The following HTR3E variants were observed in gnomAD, a reference collection of about 807,000 sequenced individuals.
HTR3E encodes 5-hydroxytryptamine (serotonin) receptor 3, family member E.
HTR3E carries 38 observed loss-of-function variants against 38.0 expected under a neutral mutation model. That is an observed-to-expected ratio of 1.00 (90% CI 0.77 to 1.31). The LOEUF is 1.31. Among genes scored for constraint, HTR3E ranks in the 50% most tolerant of loss-of-function variants. The pLI is 0.00. For missense variants in HTR3E, 547 were observed against 585.2 expected (o/e 0.93, Z 0.67); for synonymous variants, 210 against 232.9 (o/e 0.90, Z 0.89).
At chr3:184,097,945 G>A (rs1203166242) in intron 1 of HTR3E, among the ~76,000 whole-genome samples, 2 of 152,104 alleles carry the variant, frequency 1.3e-5, no homozygotes, top group African/African-American at 2.4e-5. Context: ...AACCATCCAC[G>A]ATCGTCTTCT....
At position 184,105,323 on chromosome 3, in the gene HTR3E, C is replaced by T. The variant is rs375789936; in HGVS notation, c.616C>T (p.Arg206Trp). 24 of 1,614,130 alleles carry T rather than the reference C, an allele frequency of 1.5e-5. No individual in the cohort carries two copies. The highest frequency in any genetic ancestry group is 1.1e-4 in the East Asian group (5 of 44,886). Reference protein sequence around the residue: ...KEVWEITDASRNILQTHGEWE... With the variant: ...KEVWEITDASWNILQTHGEWE... ...AGTGTGGGAAATAACAGACGCATCCCGGAACATCCTTCAGACCCATGGAGA... is the reference window on the plus strand; with the variant it reads ...AGTGTGGGAAATAACAGACGCATCCTGGAACATCCTTCAGACCCATGGAGA... The change falls in exon 6 of 9, where the codon CGG (arginine) becomes TGG (tryptophan). Residue 206 changes from arginine (R) to tryptophan (W), a missense_variant. Coordinates refer to ENST00000415389, the MANE Select transcript of HTR3E (RefSeq NM_001256613.2).
intron 2 of HTR3E, among the ~76,000 whole-genome samples, chr3:184,100,860 C>A (rs1014305341): frequency 6.6e-6 from 1 of 152,188 alleles, no homozygotes; most frequent in African/African-American, 2.4e-5. Context: ...TCTTCTCTCT[C>A]TGGCTGTATA....
Position 184,106,015 on chromosome 3 carries a change from C to T in HTR3E, c.925+46C>T. Reference sequence around the variant, plus strand: ...TGGAAGAGAAGGGTGGGAACTAACTCAGGAAGGGAGGTATTTTGGAAAAAG... The same window carrying T: ...TGGAAGAGAAGGGTGGGAACTAACTTAGGAAGGGAGGTATTTTGGAAAAAG... On this transcript the variant is annotated intron_variant, in intron 7 of 8. Transcript: ENST00000415389. The surrounding 1 kb of genome is among the most constrained non-coding windows in gnomAD (Gnocchi z 4.1). The T allele has an allele frequency of 6.2e-7, 1 of 1,611,724 alleles. No homozygotes were observed. Among genetic ancestry groups the T allele is most frequent in the Middle Eastern group, 1.7e-4 (1 of 6,060 alleles).
chr3:184,104,676 C>T (rs1712298176), intron 4 of HTR3E, 111 bp from the exon 5 acceptor site: 3 of 927,840 alleles, frequency 3.2e-6, no homozygotes, highest in South Asian at 1.8e-5. Context: ...GAGAGCATGC[C>T]ACTCTACTCC....
intron 1 of HTR3E, among the ~76,000 whole-genome samples, chr3:184,099,976 G>A (rs2108988832): frequency 1.3e-5 from 2 of 152,170 alleles, no homozygotes; most frequent in East Asian, 3.9e-4. Flanking sequence ...TTTGCATGGA[G>A]ACAGAAATAT....
intron 3 of HTR3E, among the ~76,000 whole-genome samples, chr3:184,103,739 G>A (rs1712217024): frequency 6.6e-6 from 1 of 151,502 alleles, no homozygotes; most frequent in Non-Finnish European, 1.5e-5. Flanking sequence ...GGAGGTTGCA[G>A]TGAGCCGAGA....
intron 3 of HTR3E, among the ~76,000 whole-genome samples, chr3:184,102,812 C>A (rs1011862899): frequency 2.6e-5 from 4 of 151,794 alleles, no homozygotes; most frequent in Non-Finnish European, 4.4e-5. Context: ...GTAGTCCCAG[C>A]TACTCGGGAG....
intron 3 of HTR3E, 60 bp downstream of exon 3, chr3:184,101,589 A>G: frequency 4.4e-6 from 6 of 1,352,322 alleles, no homozygotes; most frequent in Non-Finnish European, 6.4e-6. Flanking sequence ...TTAAACGAAG[A>G]TATAATAATT....
chr3:184,106,108 T>C lies in HTR3E; in HGVS notation c.926-20T>C, dbSNP rs1389859590. The C allele has an allele frequency of 6.2e-7, 1 of 1,613,624 alleles. No homozygotes were observed. Among genetic ancestry groups the C allele is most frequent in the Non-Finnish European group, 8.5e-7 (1 of 1,179,896 alleles). On this transcript the variant is annotated intron_variant, in intron 7 of 8. Transcript: ENST00000415389. The surrounding 1 kb of genome is among the most constrained non-coding windows in gnomAD (Gnocchi z 4.1). ...TCTAGGTGGTGCCTCTGGCCCTCACTAGGCCCCCCTTCCCTCCAGGTGTCT... is the reference window on the plus strand; with the variant it reads ...TCTAGGTGGTGCCTCTGGCCCTCACCAGGCCCCCCTTCCCTCCAGGTGTCT...
intron 4 of HTR3E, among the ~76,000 whole-genome samples, chr3:184,104,541 TAAAA>T (rs11320996): frequency 5.0e-5 from 6 of 119,242 alleles, no homozygotes; most frequent in African/African-American, 1.3e-4. Context: ...CCTCATCTCT[TAAAA>T]AAAAAAAAAA....
chr3:184,103,521 C>T (rs1044356560), intron 3 of HTR3E, among the ~76,000 whole-genome samples: 10 of 149,980 alleles, frequency 6.7e-5, no homozygotes, highest in African/African-American at 2.2e-4. Flanking sequence ...CCCAGCTACT[C>T]GGGAGGCTGA....
In HTR3E at chr3:184,104,822, CAT is replaced by C; in HGVS notation, c.428_429del (p.Tyr143CysfsTer3). On this transcript the variant is annotated frameshift_variant, in exon 5 of 9. Transcript: ENST00000415389. LOFTEE classifies it high-confidence loss of function. ...GATAAGACCCCAAAAGGCCTCACAGCATATGTAAGTAATGAAGGTCGCATCAG... is the reference window on the plus strand; with the variant it reads ...GATAAGACCCCAAAAGGCCTCACAGCATGTAAGTAATGAAGGTCGCATCAG... The C allele has an allele frequency of 6.2e-7, 1 of 1,613,730 alleles. No individual in the cohort carries two copies. The highest frequency in any genetic ancestry group is 1.1e-5 in the South Asian group (1 of 91,068).
At chr3:184,098,040 T>C (rs1050235827) in intron 1 of HTR3E, among the ~76,000 whole-genome samples, 3 of 152,200 alleles carry the variant, frequency 2.0e-5, no homozygotes, top group African/African-American at 4.8e-5. Context: ...CAAACCATTG[T>C]AGCAAAGTGC....
At position 184,106,610 on chromosome 3, in the gene HTR3E, G is replaced by A. The variant is rs13324468; in HGVS notation, c.1288G>A (p.Ala430Thr). 10,402 of 1,614,122 alleles carry A rather than the reference G, an allele frequency of 6.4e-3. 534 individuals are homozygous for A. The African/African-American group carries it at 0.12, about 19-fold the overall frequency. ...GGAGCTGTGGTTGCAGTTCAGCCAC[G>A]CGATGGACGCCATGCTCTTCCGCCT... The part of the protein sequence containing the change: ...SVELWLQFSH[A>T]MDAMLFRLYL... Residue 430 changes from alanine (A) to threonine (T), a missense_variant, in exon 9 of 9, where the codon GCG becomes ACG. Coordinates refer to ENST00000415389, the MANE Select transcript of HTR3E (RefSeq NM_001256613.2). This position sits in a 1 kb window ranked among gnomAD's most constrained non-coding sequence, Gnocchi z 4.1.
chr3:184,097,646 C>G, intron 1 of HTR3E, 50 bp downstream of exon 1: 2 of 1,401,168 alleles, frequency 1.4e-6, no homozygotes, highest in Non-Finnish European at 2.0e-6. Context: ...GGACCTCTCT[C>G]TAGTAGAACA....
chr3:184,100,476 C>T lies in HTR3E; in HGVS notation c.68-9C>T, dbSNP rs147469576. ...CTCCTTCATCTCACACATTCGATGT[C>T]CACTACAGGAAGGGGCGTTACTTTC... On this transcript the variant is annotated splice_polypyrimidine_tract_variant and intron_variant, in intron 1 of 8. Transcript: ENST00000415389. 3.4e-4 allele frequency: 553 copies of T among 1,614,176 alleles called. No homozygotes were observed. Among genetic ancestry groups the T allele is most frequent in the Non-Finnish European group, 4.3e-4 (504 of 1,180,030 alleles).
At chr3:184,100,426 CT>C in intron 1 of HTR3E, 58 bp from the exon 2 acceptor site, 2 of 1,612,970 alleles carry the variant, frequency 1.2e-6, no homozygotes, top group Non-Finnish European at 1.7e-6. Context: ...TGGGGCCCCT[CT>C]CATATAGGGA....
At chr3:184,102,873 C>T (rs545230918) in intron 3 of HTR3E, among the ~76,000 whole-genome samples, 6 of 150,360 alleles carry the variant, frequency 4.0e-5, no homozygotes, top group African/African-American at 7.3e-5. Context: ...TGCAGTTGGC[C>T]GAGATCACAC....
chr3:184,103,686 A>G (rs1204179801), intron 3 of HTR3E, among the ~76,000 whole-genome samples: 3 of 151,480 alleles, frequency 2.0e-5, no homozygotes, highest in Non-Finnish European at 4.4e-5. Flanking sequence ...AATCCCAGCT[A>G]CTCAGGAGGC....
Sources: gnomAD v4.1 joint callset for allele counts (sites outside exome capture counted in the v4.1 genomes callset) on GRCh38, gnomAD v4.1.1 for gene constraint, Gnocchi (gnomAD v3.1) non-coding constraint, MANE v1.5 for transcripts, NCBI Gene and HGNC (gene_info 2026-07-23, HGNC 2026-07-21) for gene names.